Variants in CLEC2A observed in about 807,000 individuals in gnomAD.
CLEC2A encodes C-type lectin domain family 2 member A.
Under a neutral mutation model 18.6 loss-of-function variants are expected in CLEC2A, and 19 were observed. That is an observed-to-expected ratio of 1.02 (90% CI 0.71 to 1.50). CLEC2A has a LOEUF of 1.50. Among genes scored for constraint, CLEC2A ranks in the 40% most tolerant of loss-of-function variants. The pLI, the probability that CLEC2A is intolerant of heterozygous loss-of-function variation, is 0.00. For synonymous variants in CLEC2A, 74 were observed against 64.0 expected (o/e 1.16, Z -0.75); for missense variants, 190 against 207.9 (o/e 0.91, Z 0.53).
At chr12:9,911,994 G>A (rs969449186), downstream of CLEC2A, among the ~76,000 whole-genome samples, 5 of 152,118 alleles carry the variant, frequency 3.3e-5, no homozygotes, top group Non-Finnish European at 7.3e-5. Flanking sequence ...CCCAAGACTA[G>A]CCCCACAAAT....
the CLEC2A span, among the ~76,000 whole-genome samples, chr12:9,890,314 G>C: frequency 6.6e-6 from 1 of 152,166 alleles, no homozygotes; most frequent in Non-Finnish European, 1.5e-5. Context: ...TTGGGAGTCA[G>C]GGCACGTTTA....
chr12:9,917,305 A>T (rs1010517732), intron 3 of CLEC2A, among the ~76,000 whole-genome samples: 6 of 152,154 alleles, frequency 3.9e-5, no homozygotes, highest in African/African-American at 1.4e-4. Flanking sequence ...TTTACAGATT[A>T]TTTCATCACC....
chr12:9,883,634 G>A, the CLEC2A span, among the ~76,000 whole-genome samples: 2 of 152,156 alleles, frequency 1.3e-5, no homozygotes, highest in Non-Finnish European at 2.9e-5. Context: ...GTATTTTGAC[G>A]ATTTTCAATT....
chr12:9,916,368 G>A (rs536818279), intron 4 of CLEC2A, among the ~76,000 whole-genome samples: 11 of 152,180 alleles, frequency 7.2e-5, no homozygotes, highest in South Asian at 6.2e-4. Flanking sequence ...CAAGTAATAC[G>A]TGAGTTTTGG....
chr12:9,913,417 C>T lies in CLEC2A; in HGVS notation c.*149G>A. ...TTGTCTCTTTAACCATGGCAGGGCA[C>T]AGCAAGAAGTTTCCATCTATAAACT... is the stretch of plus-strand genomic sequence containing the variant. On this transcript the variant is annotated 3_prime_UTR_variant, in exon 5 of 5. Coordinates refer to ENST00000455827, the MANE Select transcript of CLEC2A (RefSeq NM_001130711.2). 7.4e-7 allele frequency: 1 copy of T among 1,360,426 alleles called. No homozygotes were observed. Among genetic ancestry groups the T allele is most frequent in the Non-Finnish European group, 9.6e-7 (1 of 1,040,516 alleles). 84.3% of individuals were successfully genotyped at this position (1,360,426 alleles called of 1,614,324 possible).
intron 4 of CLEC2A, among the ~76,000 whole-genome samples, chr12:9,905,902 T>C (rs1355845028): frequency 1.3e-5 from 2 of 152,176 alleles, no homozygotes; most frequent in African/African-American, 2.4e-5. Context: ...CTATTACTAA[T>C]AGGTATTTCA....
chr12:9,910,905 C>T (rs770022067), downstream of CLEC2A, among the ~76,000 whole-genome samples: 34 of 152,190 alleles, frequency 2.2e-4, no homozygotes, highest in Middle Eastern at 6.8e-3. Flanking sequence ...CTGATGAGCC[C>T]CTATGATTGT....
At chr12:9,928,201 C>G (rs1863310615) in intron 1 of CLEC2A, among the ~76,000 whole-genome samples, 2 of 152,162 alleles carry the variant, frequency 1.3e-5, no homozygotes, top group South Asian at 4.1e-4. Flanking sequence ...CACAGTGGCT[C>G]ATGCCTGTAA....
intron 4 of CLEC2A, among the ~76,000 whole-genome samples, chr12:9,906,327 G>A (rs1270768222): frequency 6.6e-6 from 1 of 152,162 alleles, no homozygotes; most frequent in East Asian, 1.9e-4. Context: ...TGAAAAACAA[G>A]CACTTCAGAG....
At chr12:9,888,895 G>C in the CLEC2A span, 1 of 554,338 alleles carries the variant, frequency 1.8e-6, no homozygotes, top group East Asian at 2.9e-5. Flanking sequence ...GGTGGAGAAA[G>C]GTATGGGGCT....
downstream of CLEC2A, among the ~76,000 whole-genome samples, chr12:9,911,857 C>T (rs910714129): frequency 6.6e-6 from 1 of 152,030 alleles, no homozygotes; most frequent in Non-Finnish European, 1.5e-5. Context: ...TATCTCATCA[C>T]CTAAGGCAGG....
chr12:9,908,288 T>C (rs1268075474), downstream of CLEC2A, among the ~76,000 whole-genome samples: 1 of 152,212 alleles, frequency 6.6e-6, no homozygotes, highest in Non-Finnish European at 1.5e-5. Context: ...AGGTGAGGAA[T>C]CCCTCTGGGC....
the CLEC2A span, among the ~76,000 whole-genome samples, chr12:9,891,382 A>T: frequency 0.021 from 3,244 of 152,272 alleles, 50 homozygotes; most frequent in Middle Eastern, 0.044. Flanking sequence ...TTTGGACAGT[A>T]AGTGTCCACA....
chr12:9,923,510 G>A (rs974758630), intron 2 of CLEC2A, among the ~76,000 whole-genome samples: 4 of 152,168 alleles, frequency 2.6e-5, no homozygotes, highest in Non-Finnish European at 5.9e-5. Flanking sequence ...CATTGTGGAA[G>A]ACAGTGTGGC....
intron 4 of CLEC2A, among the ~76,000 whole-genome samples, chr12:9,901,016 C>G (rs1253796414): frequency 6.6e-6 from 1 of 152,084 alleles, no homozygotes; most frequent in African/African-American, 2.4e-5. Context: ...GTCTTGATTA[C>G]AGGAGTATAC....
the CLEC2A span, among the ~76,000 whole-genome samples, chr12:9,878,251 T>C: frequency 1.3e-3 from 191 of 152,264 alleles, no homozygotes; most frequent in African/African-American, 4.5e-3. Flanking sequence ...AATTCATACA[T>C]GAGGATATGA....
chr12:9,911,774 C>T (rs1288653921), downstream of CLEC2A, among the ~76,000 whole-genome samples: 2 of 152,134 alleles, frequency 1.3e-5, no homozygotes, highest in African/African-American at 4.8e-5. Flanking sequence ...GAAGAAAACC[C>T]AGTCCCTGGG....
chr12:9,879,316 T>C, the CLEC2A span, among the ~76,000 whole-genome samples: 1 of 152,170 alleles, frequency 6.6e-6, no homozygotes, highest in African/African-American at 2.4e-5. Context: ...ATATAGTTAG[T>C]AGGCAAAGCT....
intron 1 of CLEC2A, among the ~76,000 whole-genome samples, chr12:9,927,871 G>A (rs1304243220): frequency 1.3e-5 from 2 of 151,542 alleles, no homozygotes; most frequent in Non-Finnish European, 2.9e-5. Flanking sequence ...GAAGAACAAG[G>A]AAGAAGAAAA....
Sources: allele counts gnomAD v4.1 joint callset (sites outside exome capture counted in the v4.1 genomes callset), GRCh38; gene constraint gnomAD v4.1.1; transcripts MANE v1.5; gene names NCBI Gene and HGNC (gene_info 2026-07-23, HGNC 2026-07-21).